The following ZCCHC7 variants were observed in gnomAD, a reference collection of about 807,000 sequenced individuals.
ZCCHC7 encodes zinc finger CCHC domain-containing protein 7.
ZCCHC7 carries 35 observed loss-of-function variants against 52.0 expected under a neutral mutation model. The observed-to-expected ratio is 0.67, with a 90% CI of 0.51 to 0.89. The LOEUF is 0.89. Among genes scored for constraint, ZCCHC7 ranks in the 40% least tolerant of loss-of-function variants. ZCCHC7 has a pLI of 0.00. For synonymous variants in ZCCHC7, 217 were observed against 221.5 expected, an observed-to-expected ratio of 0.98 and a Z score of 0.18; for missense variants, 574 against 649.1, an observed-to-expected ratio of 0.88 and a Z score of 1.26.
In ZCCHC7 at chr9:37,133,466, C is replaced by T. The variant is rs188145865; in HGVS notation, c.610+6524C>T. On this transcript the variant is annotated intron_variant, in intron 2 of 8. Coordinates refer to ENST00000336755, the MANE Select transcript of ZCCHC7 (RefSeq NM_032226.3). ...TCTTGGCTCACTGCAACCTCTGCCA[C>T]CTGGGTTCAAGCAGTTCTTCCACCT... 2.0e-4 allele frequency among the ~76,000 whole-genome samples: 30 copies of T among 151,760 alleles called. No homozygotes were observed. In the East Asian group the frequency reaches 4.7e-3, roughly 24 times the overall value.
chr9:37,268,547 C>T (rs925838300), intron 2 of ZCCHC7, among the ~76,000 whole-genome samples: 12 of 152,054 alleles, frequency 7.9e-5, no homozygotes, highest in African/African-American at 2.9e-4. Context: ...CTGCCTCAGC[C>T]TCCCAAGTAG....
chr9:37,204,124 A>G (rs1483117473), intron 2 of ZCCHC7, among the ~76,000 whole-genome samples: 1 of 152,004 alleles, frequency 6.6e-6, no homozygotes, highest in Non-Finnish European at 1.5e-5. Flanking sequence ...GTGTCTGTTC[A>G]TATTCTTTGC....
intron 2 of ZCCHC7, among the ~76,000 whole-genome samples, chr9:37,278,641 A>G (rs1827804207): frequency 6.6e-6 from 1 of 152,196 alleles, no homozygotes; most frequent in African/African-American, 2.4e-5. Flanking sequence ...GTACATATTG[A>G]AGAGATTCAT....
chr9:37,326,767 A>G (rs554070352), intron 5 of ZCCHC7, among the ~76,000 whole-genome samples: 4 of 152,192 alleles, frequency 2.6e-5, no homozygotes, highest in African/African-American at 7.2e-5. Context: ...TGACAAATCA[A>G]GTAAAGAGTT....
At chr9:37,122,766 G>A (rs866108654) in intron 1 of ZCCHC7, among the ~76,000 whole-genome samples, 33 of 152,246 alleles carry the variant, frequency 2.2e-4, no homozygotes, top group Admixed American at 7.8e-4. Context: ...GGTGAAACCC[G>A]TCTCTGCTAA....
intron 2 of ZCCHC7, among the ~76,000 whole-genome samples, chr9:37,273,563 T>C (rs1827537062): frequency 6.6e-6 from 1 of 152,006 alleles, no homozygotes; most frequent in Admixed American, 6.6e-5. Context: ...TAGCTTGGAG[T>C]AGAATTATTA....
chr9:37,353,078 A>G (rs936887659), intron 7 of ZCCHC7, among the ~76,000 whole-genome samples: 1 of 150,738 alleles, frequency 6.6e-6, no homozygotes, highest in East Asian at 1.9e-4. Context: ...AACTACTGAA[A>G]GAAAAAAGGT....
intron 1 of ZCCHC7, among the ~76,000 whole-genome samples, chr9:37,122,653 T>A (rs1488391726): frequency 6.6e-6 from 1 of 152,216 alleles, no homozygotes; most frequent in Non-Finnish European, 1.5e-5. Context: ...GAAAATTTTA[T>A]TTTGGGCCAT....
chr9:37,159,462 A>G (rs2132887167), intron 2 of ZCCHC7, among the ~76,000 whole-genome samples: 1 of 152,316 alleles, frequency 6.6e-6, no homozygotes, highest in East Asian at 1.9e-4. Context: ...TTAGTATTTC[A>G]AAACAAAGAT....
rs141694527 is a variant in ZCCHC7 at position 37,123,268 on chromosome 9, C to T, written c.-22+2645C>T. On this transcript the variant is annotated intron_variant, in intron 1 of 8. Transcript: ENST00000336755. ...AAAAAACATATATTGTCTTCCAAGACACTTTTTAAAAGGGTAAATTAAATT... is the reference window on the plus strand; with the variant it reads ...AAAAAACATATATTGTCTTCCAAGATACTTTTTAAAAGGGTAAATTAAATT... Among the ~76,000 whole-genome samples the T allele has an allele frequency of 2.2e-3, 338 of 151,950 alleles. 1 individual carries two copies. The highest frequency in any genetic ancestry group is 8.0e-3 in the African/African-American group (332 of 41,436).
intron 2 of ZCCHC7, among the ~76,000 whole-genome samples, chr9:37,232,297 T>G (rs1825447052): frequency 6.6e-6 from 1 of 152,218 alleles, no homozygotes; most frequent in Non-Finnish European, 1.5e-5. Flanking sequence ...TCCATTTGAT[T>G]CTAAATTCTA....
At chr9:37,134,734 T>C (rs1175698228) in intron 2 of ZCCHC7, among the ~76,000 whole-genome samples, 2 of 152,172 alleles carry the variant, frequency 1.3e-5, no homozygotes, top group Non-Finnish European at 2.9e-5. Context: ...TGTTGTTGTT[T>C]TATTTTTTGA....
At chr9:37,310,075 A>G (rs1220898556) in intron 5 of ZCCHC7, among the ~76,000 whole-genome samples, 2 of 152,200 alleles carry the variant, frequency 1.3e-5, no homozygotes, top group African/African-American at 4.8e-5. Flanking sequence ...TCCTTTCTGT[A>G]ATGAAAAGCT....
At chr9:37,283,093 G>A (rs915626677) in intron 2 of ZCCHC7, among the ~76,000 whole-genome samples, 6 of 151,932 alleles carry the variant, frequency 3.9e-5, no homozygotes, top group East Asian at 3.9e-4. Context: ...TTATACCCGT[G>A]TGTGCTCTTG....
chr9:37,349,699 T>G lies in ZCCHC7; in HGVS notation c.1083+247T>G, dbSNP rs141430214. ...GATAAAACTAATATAGTTCATAAAA[T>G]CAAACAAATATAATAGTCAACAGTA... On this transcript the variant is annotated intron_variant, in intron 7 of 8. Transcript: ENST00000336755. 6.2e-4 allele frequency among the ~76,000 whole-genome samples: 94 copies of G among 152,280 alleles called. 1 individual carries two copies. The highest frequency in any genetic ancestry group is 2.1e-3 in the African/African-American group (89 of 41,548).
At position 37,290,488 on chromosome 9, in the gene ZCCHC7, T is replaced by A. The variant is rs1443128501; in HGVS notation, c.611-11700T>A. Reference sequence around the variant, plus strand: ...CTGGGCAACGTAGCAAATCCCCATCTGTACAAAAAATACTAAAGTTAGCCA... The same window carrying A: ...CTGGGCAACGTAGCAAATCCCCATCAGTACAAAAAATACTAAAGTTAGCCA... On this transcript the variant is annotated intron_variant, in intron 2 of 8. Coordinates refer to ENST00000336755, the MANE Select transcript of ZCCHC7 (RefSeq NM_032226.3). 2.6e-5 allele frequency among the ~76,000 whole-genome samples: 4 copies of A among 152,222 alleles called. No individual in the cohort carries two copies. In the East Asian group the frequency reaches 7.7e-4, roughly 29 times the overall value.
At chr9:37,216,654 A>G (rs1824521473) in intron 2 of ZCCHC7, among the ~76,000 whole-genome samples, 3 of 152,202 alleles carry the variant, frequency 2.0e-5, no homozygotes, top group Admixed American at 2.0e-4. Context: ...AGCGTGGGCA[A>G]CAAGAGAGAG....
intron 2 of ZCCHC7, among the ~76,000 whole-genome samples, chr9:37,196,095 G>C (rs1404954581): frequency 6.6e-6 from 1 of 152,082 alleles, no homozygotes; most frequent in Admixed American, 6.6e-5. Context: ...GTTTGTGTCA[G>C]GCCCAGATAT....
At chr9:37,254,481 A>T (rs1826476920) in intron 2 of ZCCHC7, among the ~76,000 whole-genome samples, 1 of 152,042 alleles carries the variant, frequency 6.6e-6, no homozygotes, top group Non-Finnish European at 1.5e-5. Flanking sequence ...ACAAAAAAAA[A>T]GATGAGAGTG....
Sources: allele counts gnomAD v4.1 joint callset (sites outside exome capture counted in the v4.1 genomes callset), GRCh38; gene constraint gnomAD v4.1.1; transcripts MANE v1.5; gene names NCBI Gene and HGNC (gene_info 2026-07-23, HGNC 2026-07-21).